The following PRKAR1B variants were observed in gnomAD, a reference collection of about 807,000 sequenced individuals.
The protein encoded by PRKAR1B is protein kinase cAMP-dependent type I regulatory subunit beta.
PRKAR1B carries 22 observed loss-of-function variants against 46.5 expected under a neutral mutation model. The ratio of observed to expected loss-of-function variants is 0.47; its 90% CI spans 0.34 to 0.68. The LOEUF (loss-of-function observed/expected upper bound fraction) is 0.68. Among genes scored for constraint, PRKAR1B ranks in the 30% least tolerant of loss-of-function variants. The pLI, the probability that PRKAR1B is intolerant of heterozygous loss-of-function variation, is 0.01. For synonymous variants in PRKAR1B, 259 were observed against 217.7 expected (o/e 1.19, Z -1.67); for missense variants, 445 against 535.6 (o/e 0.83, Z 1.67).
chr7:717,254 G>A (rs1338067879), intron 1 of PRKAR1B, among the ~76,000 whole-genome samples: 7 of 151,320 alleles, frequency 4.6e-5, no homozygotes, highest in Non-Finnish European at 7.4e-5. Context: ...ATGCCACTCC[G>A]TTCCAGCCTG....
In PRKAR1B at chr7:600,552, T is replaced by A. The variant is rs181208794; in HGVS notation, c.550-4248A>T. ...AACACAAGACACAACCTGAATAACA[T>A]CTGATCAGATCACCAAGCTGAGGCG... On this transcript the variant is annotated intron_variant, in intron 6 of 10. Transcript: ENST00000537384. Among the ~76,000 whole-genome samples the A allele has an allele frequency of 2.0e-5, 3 of 152,282 alleles. 1 individual carries two copies. The highest frequency in any genetic ancestry group is 2.0e-4 in the Admixed American group (3 of 15,304).
intron 9 of PRKAR1B, among the ~76,000 whole-genome samples, chr7:570,648 G>T (rs1779452211): frequency 6.6e-6 from 1 of 152,134 alleles, no homozygotes; most frequent in Middle Eastern, 3.2e-3. Context: ...CCTCGGCAAA[G>T]CAGCTGGACT....
intron 9 of PRKAR1B, among the ~76,000 whole-genome samples, chr7:577,613 C>G (rs1052678935): frequency 6.6e-6 from 1 of 152,202 alleles, no homozygotes; most frequent in African/African-American, 2.4e-5. Flanking sequence ...CCAGGCAGAG[C>G]CTCCGGACGA....
At chr7:614,877 A>T (rs556170078) in intron 4 of PRKAR1B, among the ~76,000 whole-genome samples, 176 of 152,226 alleles carry the variant, frequency 1.2e-3, no homozygotes, top group African/African-American at 3.9e-3. Context: ...GCACCACTGC[A>T]CTCCAACCTG....
At chr7:603,211 A>G (rs1449502873) in intron 6 of PRKAR1B, 1 of 152,310 alleles carries the variant, frequency 6.6e-6, no homozygotes, top group Non-Finnish European at 1.5e-5. Context: ...AGGGAGAAGC[A>G]TTCCACAGGG....
At chr7:629,536 C>T (rs1404834992) in intron 4 of PRKAR1B, among the ~76,000 whole-genome samples, 1 of 107,588 alleles carries the variant, frequency 9.3e-6, no homozygotes, top group Non-Finnish European at 1.8e-5. Context: ...GGCTGGAAAA[C>T]GCTGCAGGAG....
rs147006285 is a variant in PRKAR1B at position 622,123 on chromosome 7, C to T, written c.441-14671G>A. ...GTGGCCTGACAGGTAAACACCTCCC[C>T]GCCCTCACCCATGCAAAGAAACCTG... On this transcript the variant is annotated intron_variant, in intron 4 of 10. Coordinates refer to ENST00000537384, the MANE Select transcript of PRKAR1B (RefSeq NM_001164760.2). 8.5e-5 allele frequency among the ~76,000 whole-genome samples: 13 copies of T among 152,358 alleles called. No homozygotes were observed. The East Asian group carries it at 1.5e-3, about 18-fold the overall frequency.
intron 6 of PRKAR1B, among the ~76,000 whole-genome samples, chr7:596,600 G>A (rs1350583384): frequency 5.3e-5 from 8 of 152,222 alleles, no homozygotes; most frequent in Admixed American, 4.6e-4. Flanking sequence ...GGACGCACCC[G>A]GCCCCCGCTC....
chr7:724,532 A>G (rs1781182647), intron 1 of PRKAR1B, among the ~76,000 whole-genome samples: 1 of 152,230 alleles, frequency 6.6e-6, no homozygotes, highest in South Asian at 2.1e-4. Flanking sequence ...TGGAACTGTG[A>G]GTCCAGTAAA....
chr7:660,316 G>A (rs981348069), intron 4 of PRKAR1B, among the ~76,000 whole-genome samples: 8 of 151,918 alleles, frequency 5.3e-5, no homozygotes, highest in East Asian at 1.9e-4. Flanking sequence ...GCTGCCTCTC[G>A]ACACCTCCCC....
rs898209568 is a variant in PRKAR1B, at chr7:552,822, C to A, written c.892-1352G>T. On this transcript the variant is annotated intron_variant, in intron 9 of 10. Coordinates refer to ENST00000537384, the MANE Select transcript of PRKAR1B (RefSeq NM_001164760.2). ...TCTCAAGGACTGGGAGCTCATCCAG[C>A]CATCCCGGCCTCCCCGGGGAAAGGG... Among the ~76,000 whole-genome samples, 7 of 152,340 alleles carry A rather than the reference C, an allele frequency of 4.6e-5. No homozygotes were observed. The East Asian group carries it at 1.4e-3, about 29-fold the overall frequency.
At chr7:657,586 C>T (rs1449634992) in intron 4 of PRKAR1B, among the ~76,000 whole-genome samples, 1 of 152,198 alleles carries the variant, frequency 6.6e-6, no homozygotes, top group Non-Finnish European at 1.5e-5. Context: ...GAATGAGGGG[C>T]AGTACCCAGC....
rs1038792847 is a variant in PRKAR1B, at chr7:613,351, C to T, written c.441-5899G>A. ...AGGCCGTTCATCATTGGAGAAAACA[C>T]GACACGTACGCTTAAGGGCAGACTT... On this transcript the variant is annotated intron_variant, in intron 4 of 10. Transcript: ENST00000537384. 4.0e-5 allele frequency among the ~76,000 whole-genome samples: 6 copies of T among 151,244 alleles called. No homozygotes were observed. In the East Asian group the frequency reaches 5.8e-4, roughly 15 times the overall value.
chr7:653,296 C>G (rs541263606), intron 4 of PRKAR1B, among the ~76,000 whole-genome samples: 53 of 152,226 alleles, frequency 3.5e-4, no homozygotes, highest in African/African-American at 1.2e-3. Flanking sequence ...TTCAACGAGG[C>G]CTTCAAAGAC....
At chr7:594,300 G>A (rs890501528) in intron 7 of PRKAR1B, among the ~76,000 whole-genome samples, 1 of 152,114 alleles carries the variant, frequency 6.6e-6, no homozygotes, top group African/African-American at 2.4e-5. Context: ...TCCCAAGCAG[G>A]GGATGGAGGA....
chr7:653,246 G>C (rs77306012), intron 4 of PRKAR1B, among the ~76,000 whole-genome samples: 3 of 152,174 alleles, frequency 2.0e-5, no homozygotes, highest in Admixed American at 1.3e-4. Context: ...CCAATGTCAA[G>C]TACACCATAG....
chr7:596,134 G>GCAC lies in PRKAR1B; in HGVS notation c.708+9_708+11dup. 6.2e-7 allele frequency: 1 copy of GCAC among 1,609,352 alleles called. No individual in the cohort carries two copies. ...GGGTGTTGGCCTTCTCTGTGCTTGG[G>GCAC]CACCAACTCACCATAAGGATGCGCC... On this transcript the variant is annotated intron_variant, in intron 7 of 10. Coordinates refer to ENST00000537384, the MANE Select transcript of PRKAR1B (RefSeq NM_001164760.2).
At chr7:719,918 G>A (rs181792792) in intron 1 of PRKAR1B, among the ~76,000 whole-genome samples, 17 of 152,214 alleles carry the variant, frequency 1.1e-4, no homozygotes, top group African/African-American at 3.6e-4. Flanking sequence ...TTAGAGGTTC[G>A]TCCAAGTTGC....
At chr7:663,823 C>G (rs1405129333) in intron 4 of PRKAR1B, among the ~76,000 whole-genome samples, 2 of 152,158 alleles carry the variant, frequency 1.3e-5, no homozygotes, top group Non-Finnish European at 1.5e-5. Context: ...TGACCCCAAG[C>G]AGAACTCAGG....
Sources: allele counts gnomAD v4.1 joint callset (sites outside exome capture counted in the v4.1 genomes callset), GRCh38; gene constraint gnomAD v4.1.1; transcripts MANE v1.5; gene names NCBI Gene and HGNC (gene_info 2026-07-23, HGNC 2026-07-21).